MYT1L: variants seen among roughly 807,000 people sequenced by gnomAD.
MYT1L encodes myelin transcription factor 1 like.
Under a neutral mutation model 126.7 loss-of-function variants are expected in MYT1L, and 12 were observed. The ratio of observed to expected loss-of-function variants is 0.09; its 90% CI spans 0.06 to 0.15. The LOEUF (loss-of-function observed/expected upper bound fraction) is 0.15, where lower values mean the gene tolerates loss of function less well. MYT1L is among the 10% of genes least tolerant of loss of function. MYT1L has a pLI of 1.00. For synonymous variants in MYT1L, 541 were observed against 604.2 expected, an observed-to-expected ratio of 0.90 and a Z score of 1.53; for missense variants, 979 against 1,585.2, an observed-to-expected ratio of 0.62 and a Z score of 6.49.
At chr2:2,041,976 C>T (rs1259912612) in intron 4 of MYT1L, among the ~76,000 whole-genome samples, 1 of 152,162 alleles carries the variant, frequency 6.6e-6, no homozygotes, top group Non-Finnish European at 1.5e-5. Flanking sequence ...CCAAAAAAAT[C>T]ATCTTTAAGC....
intron 9 of MYT1L, among the ~76,000 whole-genome samples, chr2:1,926,358 T>C (rs1341747169): frequency 1.3e-5 from 2 of 152,140 alleles, no homozygotes; most frequent in Non-Finnish European, 2.9e-5. Flanking sequence ...ACAGTGAGCT[T>C]TTGGGATTCC....
At chr2:2,090,910 T>C (rs889270568) in intron 3 of MYT1L, among the ~76,000 whole-genome samples, 1 of 152,228 alleles carries the variant, frequency 6.6e-6, no homozygotes, top group Non-Finnish European at 1.5e-5. Flanking sequence ...CCTCATCCAT[T>C]CAAGATTGAT....
At position 2,064,773 on chromosome 2, in the gene MYT1L, GAA is replaced by G. The variant is rs547547634; in HGVS notation, c.-303-10652_-303-10651del. Among the ~76,000 whole-genome samples, 954 of 152,266 alleles carry G rather than the reference GAA, an allele frequency of 6.3e-3. 15 individuals carry two copies. Among genetic ancestry groups the G allele is most frequent in the African/African-American group, 0.022 (915 of 41,552 alleles). On this transcript the variant is annotated intron_variant, in intron 3 of 24. Transcript: ENST00000647738. ...TTTAGTGAAATAAAAATACATTTCAGAAAAGCTTGTTGGAAAGTAAAATTTTC... is the reference window on the plus strand; with the variant it reads ...TTTAGTGAAATAAAAATACATTTCAGAAGCTTGTTGGAAAGTAAAATTTTC...
rs1227106092 is a variant in MYT1L, at chr2:1,889,728, C to T, written c.2284-251G>A. Among the ~76,000 whole-genome samples, 1 of 152,154 alleles carries T rather than the reference C, an allele frequency of 6.6e-6. No individual in the cohort carries two copies. The highest frequency in any genetic ancestry group is 1.5e-5 in the Non-Finnish European group (1 of 68,034). Reference sequence around the variant, plus strand: ...CATCCCGCCATCCCTCTCTCCCTCCCTCCCTCCATTTCCCTATTTATCTAC... The same window carrying T: ...CATCCCGCCATCCCTCTCTCCCTCCTTCCCTCCATTTCCCTATTTATCTAC... On this transcript the variant is annotated intron_variant, in intron 15 of 24. Coordinates refer to ENST00000647738, the MANE Select transcript of MYT1L (RefSeq NM_001303052.2). The surrounding 1 kb of genome is among the most constrained non-coding windows in gnomAD (Gnocchi z 4.1).
chr2:2,165,106 G>T (rs1017876535), intron 3 of MYT1L, among the ~76,000 whole-genome samples: 13 of 152,128 alleles, frequency 8.5e-5, no homozygotes, highest in African/African-American at 2.9e-4. Context: ...CACCAGAAGT[G>T]GAGCTCACGG....
chr2:2,217,568 A>G (rs2093711899), intron 2 of MYT1L, among the ~76,000 whole-genome samples: 1 of 151,622 alleles, frequency 6.6e-6, no homozygotes. Flanking sequence ...CCATAATCCC[A>G]GCTACTTGAG....
chr2:2,255,337 G>A (rs1310530038), intron 2 of MYT1L, among the ~76,000 whole-genome samples: 2 of 152,044 alleles, frequency 1.3e-5, no homozygotes, highest in East Asian at 1.9e-4. Context: ...GGAGGATATT[G>A]GGGGGGTTGT....
At chr2:1,794,564 G>A (rs970966126) in intron 23 of MYT1L, among the ~76,000 whole-genome samples, 3 of 152,154 alleles carry the variant, frequency 2.0e-5, no homozygotes, top group African/African-American at 7.2e-5. Flanking sequence ...CCAAGGCAGG[G>A]GCGGCACCCT....
At chr2:2,167,558 T>C (rs2089355728) in intron 3 of MYT1L, among the ~76,000 whole-genome samples, 1 of 152,208 alleles carries the variant, frequency 6.6e-6, no homozygotes, top group Non-Finnish European at 1.5e-5. Flanking sequence ...TCTCACCATC[T>C]ACAGAGCTCA....
At chr2:2,286,327 C>G (rs542292975) in intron 1 of MYT1L, among the ~76,000 whole-genome samples, 2 of 152,276 alleles carry the variant, frequency 1.3e-5, no homozygotes, top group South Asian at 4.1e-4. Context: ...TTGTGACATG[C>G]TTTGGCTCAC....
rs559767281 is a variant in MYT1L at position 2,239,179 on chromosome 2, C to T, written c.-421+45225G>A. Among the ~76,000 whole-genome samples the T allele has an allele frequency of 2.5e-4, 38 of 152,358 alleles. 1 individual carries two copies. Among genetic ancestry groups the T allele is most frequent in the African/African-American group, 8.4e-4 (35 of 41,584 alleles). Reference sequence around the variant, plus strand: ...TTCCAGTTTAGAGCCACCCCCAGCTCCTCACTGTGGCTTTTGCAGCCACCA... The same window carrying T: ...TTCCAGTTTAGAGCCACCCCCAGCTTCTCACTGTGGCTTTTGCAGCCACCA... On this transcript the variant is annotated intron_variant, in intron 2 of 24. Coordinates refer to ENST00000647738, the MANE Select transcript of MYT1L (RefSeq NM_001303052.2).
chr2:2,211,615 A>G (rs1329476307), intron 2 of MYT1L, among the ~76,000 whole-genome samples: 2 of 151,912 alleles, frequency 1.3e-5, no homozygotes, highest in East Asian at 3.9e-4. Flanking sequence ...AGAACAGCCT[A>G]GCCAACATGG....
At chr2:1,975,080 T>A (rs1405449403) in intron 8 of MYT1L, among the ~76,000 whole-genome samples, 1 of 152,196 alleles carries the variant, frequency 6.6e-6, no homozygotes, top group South Asian at 2.1e-4. Flanking sequence ...AACTCCTTTT[T>A]AAAATTATTT....
chr2:2,092,513 T>C (rs1021774626), intron 3 of MYT1L, among the ~76,000 whole-genome samples: 1 of 152,342 alleles, frequency 6.6e-6, no homozygotes, highest in Admixed American at 6.5e-5. Context: ...GTGACACAGA[T>C]ACTGCATGAG....
At chr2:1,813,964 T>C (rs1206734784) in intron 21 of MYT1L, among the ~76,000 whole-genome samples, 8 of 136,884 alleles carry the variant, frequency 5.8e-5, no homozygotes, top group Non-Finnish European at 7.8e-5. Flanking sequence ...GAGGCGGAGC[T>C]TGCAGTGAGC....
chr2:2,075,407 T>A (rs112760520), intron 3 of MYT1L, among the ~76,000 whole-genome samples: 1 of 152,164 alleles, frequency 6.6e-6, no homozygotes, highest in Non-Finnish European at 1.5e-5. Context: ...TTCACAGTCA[T>A]CTGGACCCCT....
intron 13 of MYT1L, among the ~76,000 whole-genome samples, chr2:1,904,572 T>C (rs995625448): frequency 6.6e-6 from 1 of 151,778 alleles, no homozygotes; most frequent in African/African-American, 2.4e-5. Context: ...GGTTTCACCA[T>C]GTTGGCCAGG....
intron 1 of MYT1L, among the ~76,000 whole-genome samples, chr2:2,292,276 C>T (rs1408959367): frequency 2.0e-5 from 3 of 152,166 alleles, no homozygotes; most frequent in African/African-American, 7.2e-5. Context: ...GAAGCTGAGT[C>T]GGTGCCGCTC....
At chr2:2,273,618 A>T (rs1181922542) in intron 2 of MYT1L, among the ~76,000 whole-genome samples, 1 of 152,226 alleles carries the variant, frequency 6.6e-6, no homozygotes, top group Non-Finnish European at 1.5e-5. Context: ...CTGGACCTGC[A>T]GTGAGTGTCA....
Sources: gnomAD v4.1 joint callset for allele counts (sites outside exome capture counted in the v4.1 genomes callset) on GRCh38, gnomAD v4.1.1 for gene constraint, Gnocchi (gnomAD v3.1) non-coding constraint, MANE v1.5 for transcripts, NCBI Gene and HGNC (gene_info 2026-07-23, HGNC 2026-07-21) for gene names.